Variants in PRICKLE1 observed in about 807,000 individuals in gnomAD.
PRICKLE1 encodes prickle planar cell polarity protein 1, also known as prickle-like protein 1.
Under a neutral mutation model 70.2 loss-of-function variants are expected in PRICKLE1, and 14 were observed. The observed-to-expected ratio is 0.20, with a 90% CI of 0.13 to 0.31. PRICKLE1 has a LOEUF of 0.31. Among genes scored for constraint, PRICKLE1 ranks in the 10% least tolerant of loss-of-function variants. The pLI is 1.00. For missense variants in PRICKLE1, 821 were observed against 1,026.2 expected (o/e 0.80, Z 2.73); for synonymous variants, 357 against 379.9 (o/e 0.94, Z 0.70).
Position 42,458,402 on chromosome 12 carries a change from G to T in PRICKLE1, c.*1407C>A, listed in dbSNP as rs1937655115. 6.6e-6 allele frequency: 1 copy of T among 152,260 alleles called. No homozygotes were observed. Among genetic ancestry groups the T allele is most frequent in the South Asian group, 2.1e-4 (1 of 4,822 alleles). 9.4% of individuals were successfully genotyped at this position (152,260 alleles called of 1,614,324 possible). ...ATTAAATGCCTCCCTAAAGGTCCTG[G>T]ATGCCACTAGAACCTTTAGTTAGGA... is the stretch of plus-strand genomic sequence containing the variant. On this transcript the variant is annotated 3_prime_UTR_variant, in exon 8 of 8. Transcript: ENST00000345127.
chr12:42,543,849 C>G (rs1258736866), intron 1 of PRICKLE1, among the ~76,000 whole-genome samples: 4 of 152,152 alleles, frequency 2.6e-5, no homozygotes, highest in Non-Finnish European at 5.9e-5. Context: ...TAATAATAGC[C>G]TGCTGTTGAC....
chr12:42,566,469 A>G (rs1012624611), intron 1 of PRICKLE1, among the ~76,000 whole-genome samples: 1 of 152,186 alleles, frequency 6.6e-6, no homozygotes, highest in African/African-American at 2.4e-5. Flanking sequence ...GTGGGCCTCA[A>G]GCAAGCTGGT....
chr12:42,473,638 T>A (rs1938407799), intron 1 of PRICKLE1, among the ~76,000 whole-genome samples: 1 of 152,244 alleles, frequency 6.6e-6, no homozygotes, highest in East Asian at 1.9e-4. Flanking sequence ...AAAAAAATGA[T>A]GTAAAGAAAG....
rs752636804 is a variant in PRICKLE1, at chr12:42,469,433, G to C, written c.384+17C>G. On this transcript the variant is annotated intron_variant, in intron 4 of 7. Coordinates refer to ENST00000345127, the MANE Select transcript of PRICKLE1 (RefSeq NM_153026.3). The stretch of plus-strand genomic sequence containing the variant: ...CATCACTGCCACAAGCTACGCATCA[G>C]AGAAGGGGCTGCTCACCTGCTCACA... The C allele has an allele frequency of 2.5e-6, 4 of 1,613,742 alleles. No homozygotes were observed. The highest frequency in any genetic ancestry group is 3.4e-6 in the Non-Finnish European group (4 of 1,180,006).
chr12:42,551,454 T>A (rs1940315904), intron 1 of PRICKLE1, among the ~76,000 whole-genome samples: 1 of 152,260 alleles, frequency 6.6e-6, no homozygotes, highest in East Asian at 1.9e-4. Flanking sequence ...TAATACTAAC[T>A]GCAGTTCTGC....
intron 1 of PRICKLE1, among the ~76,000 whole-genome samples, chr12:42,580,893 G>T (rs1425835116): frequency 1.3e-5 from 2 of 151,950 alleles, no homozygotes; most frequent in Admixed American, 6.6e-5. Flanking sequence ...AGGAAGGAAG[G>T]ACGGAAGGAA....
intron 1 of PRICKLE1, among the ~76,000 whole-genome samples, chr12:42,515,093 A>G (rs1380052511): frequency 6.6e-6 from 1 of 151,068 alleles, no homozygotes; most frequent in Non-Finnish European, 1.5e-5. Context: ...TAACTTTTCT[A>G]TTTTTCAGTG....
chr12:42,476,553 G>T (rs1385923329), intron 1 of PRICKLE1, among the ~76,000 whole-genome samples: 1 of 150,822 alleles, frequency 6.6e-6, no homozygotes, highest in Non-Finnish European at 1.5e-5. Context: ...TGACCTCAGG[G>T]GATCTGCCCG....
At chr12:42,470,401 G>A (rs765890103) in intron 2 of PRICKLE1, 42 bp from the exon 3 acceptor site, 5 of 1,256,452 alleles carry the variant, frequency 4.0e-6, no homozygotes, top group Admixed American at 3.4e-5. Flanking sequence ...ATACAGAACT[G>A]AGCATCTCAG....
chr12:42,585,505 GCCAGTGGA>G (rs1940972569), intron 1 of PRICKLE1, among the ~76,000 whole-genome samples: 1 of 152,138 alleles, frequency 6.6e-6, no homozygotes, highest in South Asian at 2.1e-4. Context: ...AATAGTCAAT[GCCAGTGGA>G]CCAGTGGCTC....
At chr12:42,509,680 A>G (rs1939478470) in intron 1 of PRICKLE1, among the ~76,000 whole-genome samples, 1 of 152,076 alleles carries the variant, frequency 6.6e-6, no homozygotes, top group South Asian at 2.1e-4. Flanking sequence ...TAATAACAAT[A>G]ATAATAATAA....
chr12:42,525,972 A>G (rs1939792612), intron 1 of PRICKLE1, among the ~76,000 whole-genome samples: 1 of 152,214 alleles, frequency 6.6e-6, no homozygotes, highest in African/African-American at 2.4e-5. Context: ...TCTTTCCAAG[A>G]AGGTAATATA....
chr12:42,575,199 C>T lies in PRICKLE1; in HGVS notation c.-49+14266G>A, dbSNP rs1375373348. 2.0e-5 allele frequency among the ~76,000 whole-genome samples: 3 copies of T among 152,058 alleles called. No individual in the cohort carries two copies. In the East Asian group the frequency reaches 5.8e-4, roughly 29 times the overall value. On this transcript the variant is annotated intron_variant, in intron 1 of 7. Transcript: ENST00000345127. ...AACAATGAAAAGACACAAGTGTAAA[C>T]ACCTGGTAGGTTGGCCAGGTAAATG...
chr12:42,468,615 CT>C lies in PRICKLE1; in HGVS notation c.588+10del, dbSNP rs766626651. 9 of 1,612,062 alleles carry C rather than the reference CT, an allele frequency of 5.6e-6. No individual in the cohort carries two copies. The highest frequency in any genetic ancestry group is 1.3e-5 in the African/African-American group (1 of 74,808). On this transcript the variant is annotated intron_variant, in intron 5 of 7. Transcript: ENST00000345127. ...ATTTTTCCCAGTGTGAAAGGATGAA[CT>C]TTTTTTTACCTCGTCACATGCTGAG...
intron 5 of PRICKLE1, among the ~76,000 whole-genome samples, chr12:42,467,300 A>T (rs928667139): frequency 3.3e-5 from 5 of 152,120 alleles, no homozygotes; most frequent in African/African-American, 1.2e-4. Flanking sequence ...TATTTTCAGT[A>T]GAGACGGGGT....
chr12:42,563,651 C>T (rs1312213314), intron 1 of PRICKLE1, among the ~76,000 whole-genome samples: 4 of 133,028 alleles, frequency 3.0e-5, no homozygotes, highest in African/African-American at 1.1e-4. Flanking sequence ...TGCAGTGAGC[C>T]GAGATCGTGC....
chr12:42,506,984 A>T (rs1383089314), intron 1 of PRICKLE1, among the ~76,000 whole-genome samples: 1 of 152,196 alleles, frequency 6.6e-6, no homozygotes, highest in East Asian at 1.9e-4. Context: ...AGAAATATAG[A>T]AATCAAGGCC....
intron 1 of PRICKLE1, among the ~76,000 whole-genome samples, chr12:42,547,282 T>A (rs952838129): frequency 1.3e-5 from 2 of 152,166 alleles, no homozygotes; most frequent in African/African-American, 4.8e-5. Flanking sequence ...GAACAAAGGT[T>A]TGGGAGACAG....
At chr12:42,494,309 A>G (rs1367193784) in intron 1 of PRICKLE1, among the ~76,000 whole-genome samples, 2 of 152,228 alleles carry the variant, frequency 1.3e-5, no homozygotes, top group African/African-American at 4.8e-5. Flanking sequence ...ATTTCTCTGT[A>G]GCATGTGATG....
Sources: gnomAD v4.1 joint callset for allele counts (sites outside exome capture counted in the v4.1 genomes callset) on GRCh38, gnomAD v4.1.1 for gene constraint, MANE v1.5 for transcripts, NCBI Gene and HGNC (gene_info 2026-07-23, HGNC 2026-07-21) for gene names.